LETM2: variants seen among roughly 807,000 people sequenced by gnomAD.
LETM2 encodes LETM1 domain-containing protein LETM2, mitochondrial.
Under a neutral mutation model 59.6 loss-of-function variants are expected in LETM2, and 58 were observed. That is an observed-to-expected ratio of 0.97 (90% CI 0.79 to 1.21). The LOEUF (loss-of-function observed/expected upper bound fraction) is 1.21, where lower values mean the gene tolerates loss of function less well. LETM2 is among the 50% of genes most tolerant of loss of function. LETM2 has a pLI of 0.00. For missense variants in LETM2, 572 were observed against 575.7 expected, an observed-to-expected ratio of 0.99 and a Z score of 0.07; for synonymous variants, 199 against 214.1, an observed-to-expected ratio of 0.93 and a Z score of 0.62.
rs757314472 is a variant in LETM2, at chr8:38,400,942, C to T, written c.873C>T (p.Arg291=). 1 of 1,614,126 alleles carries T rather than the reference C, an allele frequency of 6.2e-7. No individual in the cohort carries two copies. The highest frequency in any genetic ancestry group is 1.7e-5 in the Admixed American group (1 of 60,026). The change falls in exon 6 of 11, where the codon CGC becomes CGT. Residue 291 remains arginine, a synonymous_variant. Transcript: ENST00000379957. ...EDQLALEHLD[R]PQLVALCKLL... is the part of the protein sequence containing the mutation. ...AGCTGGCCCTGGAACACTTAGATCGCCCTCAGCTGGTTGCCCTTTGCAAAC... is the reference window on the plus strand; with the variant it reads ...AGCTGGCCCTGGAACACTTAGATCGTCCTCAGCTGGTTGCCCTTTGCAAAC...
At position 38,406,944 on chromosome 8, in the gene LETM2, A is replaced by G. The variant is rs138811780; in HGVS notation, c.1219-2A>G. 8.8e-6 allele frequency: 14 copies of G among 1,597,790 alleles called. No individual in the cohort carries two copies. The highest frequency in any genetic ancestry group is 1.2e-5 in the Non-Finnish European group (14 of 1,165,726). On this transcript the variant is annotated splice_acceptor_variant, in intron 8 of 10. Transcript: ENST00000379957. LOFTEE classifies it high-confidence loss of function. ...TGATACATAAAATGTTTATCTCCCCAGGCTCCAAAGACTGATATTCTTGTG... is the reference window on the plus strand; with the variant it reads ...TGATACATAAAATGTTTATCTCCCCGGGCTCCAAAGACTGATATTCTTGTG...
At chr8:38,390,068 A>G (rs1812098826) in intron 2 of LETM2, among the ~76,000 whole-genome samples, 1 of 151,076 alleles carries the variant, frequency 6.6e-6, no homozygotes, top group African/African-American at 2.4e-5. Flanking sequence ...AAAAATTTTT[A>G]AAACTAGCTG....
chr8:38,404,934 C>T (rs561359686), intron 8 of LETM2: 1 of 168,060 alleles, frequency 6.0e-6, no homozygotes, highest in Non-Finnish European at 1.3e-5. Context: ...CGAGATCACG[C>T]CATTGCACTG....
chr8:38,397,113 G>A (rs1487353867), intron 4 of LETM2: 4 of 456,116 alleles, frequency 8.8e-6, no homozygotes, highest in Admixed American at 7.0e-5. Flanking sequence ...CACTCTACTA[G>A]ACAGCGTTGA....
chr8:38,396,697 G>A (rs1374783208), intron 4 of LETM2, among the ~76,000 whole-genome samples: 7 of 152,020 alleles, frequency 4.6e-5, no homozygotes, highest in Admixed American at 6.6e-5. Context: ...TTAAGCCCAC[G>A]AGTTCAAGAC....
intron 1 of LETM2, 112 bp downstream of exon 1, chr8:38,386,680 C>T (rs1218934659): frequency 6.6e-6 from 1 of 152,486 alleles, no homozygotes; most frequent in Non-Finnish European, 1.5e-5. Flanking sequence ...GAGCATGATC[C>T]AGGCTTCTGA....
intron 10 of LETM2, chr8:38,408,007 TG>T (rs972489638): frequency 1.9e-5 from 10 of 517,312 alleles, no homozygotes; most frequent in African/African-American, 9.7e-5. Context: ...AAGACACAGA[TG>T]GGGTAAGCCC....
chr8:38,404,319 G>T, intron 7 of LETM2, 74 bp from the exon 8 acceptor site: 1 of 1,018,264 alleles, frequency 9.8e-7, no homozygotes, highest in South Asian at 1.4e-5. Context: ...GTCAGCCAGG[G>T]AGGGTAGATG....
chr8:38,393,320 G>C (rs1812447054), intron 3 of LETM2: 1 of 247,264 alleles, frequency 4.0e-6, no homozygotes, highest in Non-Finnish European at 7.8e-6. Flanking sequence ...TGTTTCAACT[G>C]TTGTTAATAT....
At chr8:38,394,778 G>C (rs1184082785) in intron 4 of LETM2, among the ~76,000 whole-genome samples, 1 of 150,712 alleles carries the variant, frequency 6.6e-6, no homozygotes, top group Non-Finnish European at 1.5e-5. Flanking sequence ...GGAGGTCAAG[G>C]CTGCAATGAC....
intron 2 of LETM2, among the ~76,000 whole-genome samples, chr8:38,390,553 C>T (rs557752238): frequency 1.6e-4 from 20 of 124,826 alleles, no homozygotes; most frequent in South Asian, 6.1e-4. Flanking sequence ...ACCCAGGAGG[C>T]GGAGGTTGCA....
At position 38,392,561 on chromosome 8, in the gene LETM2, C is replaced by A. The variant is rs754749299; in HGVS notation, c.67C>A (p.His23Asn). The A allele has an allele frequency of 1.9e-6, 3 of 1,609,312 alleles. No individual in the cohort carries two copies. The highest frequency in any genetic ancestry group is 1.7e-6 in the Non-Finnish European group (2 of 1,178,576). The change falls in exon 3 of 11, where the codon CAT (histidine) becomes AAT (asparagine). Residue 23 changes from histidine (H) to asparagine (N), a missense_variant. Physicochemically the swap from His to Asn is moderately conservative, Grantham distance 68. Coordinates refer to ENST00000379957, the MANE Select transcript of LETM2 (RefSeq NM_001286819.2). The part of the protein sequence containing the change: ...ARTRFPSHFV[H>N]PTCSSYSPSC... ...TTCCAGATTCCCTAGCCATTTTGTC[C>A]ATCCTACCTGCTCTTCTTATTCCCC... is the stretch of plus-strand genomic sequence containing the variant.
upstream of LETM2, among the ~76,000 whole-genome samples, chr8:38,383,929 C>CAAA (rs34110368): frequency 8.3e-6 from 1 of 121,032 alleles, no homozygotes; most frequent in Non-Finnish European, 1.7e-5. Flanking sequence ...GGCTATGTCT[C>CAAA]AAAAAAAAAA....
chr8:38,396,415 C>G (rs1447914362), intron 4 of LETM2, among the ~76,000 whole-genome samples: 1 of 152,166 alleles, frequency 6.6e-6, no homozygotes, highest in East Asian at 1.9e-4. Context: ...CTGCCCACCT[C>G]AGTCTCCCAA....
chr8:38,391,620 A>G (rs1812288326), intron 2 of LETM2, among the ~76,000 whole-genome samples: 1 of 151,632 alleles, frequency 6.6e-6, no homozygotes, highest in African/African-American at 2.4e-5. Context: ...ACAATCTGAT[A>G]TGGTAGTTTA....
Position 38,392,674 on chromosome 8 carries a change from T to C in LETM2, c.180T>C (p.Ser60=). The change falls in exon 3 of 11, where the codon AGT becomes AGC. Residue 60 remains serine (S), a synonymous_variant. Transcript: ENST00000379957. ...NYESKKYSDP[S]QPGNTVLHPG... The stretch of plus-strand genomic sequence containing the variant: ...AGAGCAAGAAGTACTCGGATCCTAG[T>C]CAGCCAGGCAATACAGTACTTCACC... The C allele has an allele frequency of 4.3e-6, 7 of 1,614,132 alleles. No individual in the cohort carries two copies. The highest frequency in any genetic ancestry group is 5.9e-6 in the Non-Finnish European group (7 of 1,180,016).
Position 38,406,855 on chromosome 8 carries a change from T to C in LETM2, c.1219-91T>C, listed in dbSNP as rs1271356616. On this transcript the variant is annotated intron_variant, in intron 8 of 10. Transcript: ENST00000379957. ...AGTTAGGGATTTAGTGGAAAGCAAA[T>C]AGTGCTAAAAAAGGCATTGACTACT... 7.9e-6 allele frequency: 6 copies of C among 762,192 alleles called. No individual in the cohort carries two copies. In the East Asian group the frequency reaches 1.5e-4, roughly 19 times the overall value. 47.2% of individuals were successfully genotyped at this position (762,192 alleles called of 1,614,324 possible).
chr8:38,386,382 T>G (rs1284116006), upstream of LETM2: 1 of 152,030 alleles, frequency 6.6e-6, no homozygotes, highest in African/African-American at 2.4e-5. Flanking sequence ...GCTGCTAAGG[T>G]GAAGGACGCC....
At chr8:38,393,196 C>A in intron 3 of LETM2, 1 of 549,350 alleles carries the variant, frequency 1.8e-6, no homozygotes, top group Non-Finnish European at 3.2e-6. Context: ...ATATATTTTC[C>A]TGTATAACGG....
Sources: gnomAD v4.1 joint callset for allele counts (sites outside exome capture counted in the v4.1 genomes callset) on GRCh38, gnomAD v4.1.1 for gene constraint, MANE v1.5 for transcripts, NCBI Gene and HGNC (gene_info 2026-07-23, HGNC 2026-07-21) for gene names.